The following BTD variants were observed in gnomAD, a reference collection of about 807,000 sequenced individuals.
BTD encodes the protein biocytinase.
In BTD, 13 loss-of-function variants were observed where a neutral mutation model predicts 17.7. That is an observed-to-expected ratio of 0.74 (90% CI 0.48 to 1.17). The LOEUF (loss-of-function observed/expected upper bound fraction) is 1.17, where lower values mean the gene tolerates loss of function less well. BTD is among the 50% of genes most tolerant of loss of function. The pLI is 0.00. For missense variants in BTD, 674 were observed against 650.4 expected, an observed-to-expected ratio of 1.04 and a Z score of -0.39; for synonymous variants, 240 against 245.2, an observed-to-expected ratio of 0.98 and a Z score of 0.20.
intron 3 of BTD, chr3:15,694,897 T>G: frequency 7.7e-7 from 1 of 1,301,600 alleles, no homozygotes; most frequent in Non-Finnish European, 1.1e-6. Flanking sequence ...AAATCCACCT[T>G]AGAGTATTAT....
At chr3:15,607,229 T>G (rs1337799975) in intron 1 of BTD, among the ~76,000 whole-genome samples, 2 of 152,194 alleles carry the variant, frequency 1.3e-5, no homozygotes, top group Non-Finnish European at 2.9e-5. Flanking sequence ...TATTTACTGA[T>G]TGGTGGGAGG....
At chr3:15,678,949 A>G (rs543745347) in intron 3 of BTD, among the ~76,000 whole-genome samples, 1 of 152,002 alleles carries the variant, frequency 6.6e-6, no homozygotes, top group East Asian at 1.9e-4. Context: ...AGTAGTTAAA[A>G]TTTATTTCTT....
chr3:15,605,590 G>T (rs1435398552), intron 1 of BTD, among the ~76,000 whole-genome samples: 1 of 152,020 alleles, frequency 6.6e-6, no homozygotes, highest in Non-Finnish European at 1.5e-5. Context: ...ATTTTAAAAT[G>T]ACATTTATTG....
exon 4 of BTD, chr3:15,711,089 C>A: frequency 1.2e-6 from 1 of 801,928 alleles, no homozygotes; most frequent in Non-Finnish European, 1.9e-6. Context: ...TTTTCCCAAA[C>A]AACTCCTGTT....
rs1190666171 is a variant in BTD, at chr3:15,648,319, G to T, written c.*2831G>T. Among the ~76,000 whole-genome samples the T allele has an allele frequency of 6.6e-6, 1 of 152,226 alleles. No individual in the cohort carries two copies. Among genetic ancestry groups the T allele is most frequent in the Non-Finnish European group, 1.5e-5 (1 of 68,050 alleles). On this transcript the variant is annotated 3_prime_UTR_variant, in exon 4 of 4. Coordinates refer to ENST00000643237, the MANE Select transcript of BTD (RefSeq NM_001370658.1). ...GTTTTGTGCACAAAGGCCTAGATTT[G>T]AGACAAGAGCTGATGTGGCCTGAAG... is the stretch of plus-strand genomic sequence containing the variant.
chr3:15,608,769 A>C (rs542794251), intron 1 of BTD, among the ~76,000 whole-genome samples: 32 of 151,930 alleles, frequency 2.1e-4, no homozygotes, highest in African/African-American at 7.2e-4. Flanking sequence ...CGTCTCAAAA[A>C]AAAAAAAAAA....
At chr3:15,622,684 T>G (rs1259542059) in intron 1 of BTD, among the ~76,000 whole-genome samples, 2 of 152,244 alleles carry the variant, frequency 1.3e-5, no homozygotes, top group African/African-American at 4.8e-5. Context: ...GATACATCTG[T>G]TTCTCTTTGC....
chr3:15,714,527 T>C (rs2072753962), downstream of BTD: 1 of 1,149,768 alleles, frequency 8.7e-7, no homozygotes, highest in African/African-American at 1.7e-5. Context: ...TTTTACTACA[T>C]TTAAGAAAAA....
exon 4 of BTD, among the ~76,000 whole-genome samples, chr3:15,711,825 T>A (rs2072323922): frequency 6.6e-6 from 1 of 151,894 alleles, no homozygotes; most frequent in Admixed American, 6.6e-5. Context: ...TAGCTGGGAT[T>A]ACAGGTGCTC....
At chr3:15,720,373 T>C (rs145896473) in intron 4 of BTD, among the ~76,000 whole-genome samples, 1 of 152,352 alleles carries the variant, frequency 6.6e-6, no homozygotes, top group Admixed American at 6.5e-5. Context: ...TCTTTTATTG[T>C]AGATTCATCT....
intron 3 of BTD, among the ~76,000 whole-genome samples, chr3:15,687,083 C>T (rs867817702): frequency 6.6e-6 from 1 of 151,942 alleles, no homozygotes; most frequent in African/African-American, 2.4e-5. Flanking sequence ...GCTGGGATTA[C>T]AGGCGCCTGC....
chr3:15,686,372 C>T (rs2068131136), intron 3 of BTD: 2 of 1,287,420 alleles, frequency 1.6e-6, no homozygotes, highest in South Asian at 2.6e-5. Context: ...AAATGTCCAT[C>T]TAAAAGCACA....
intron 3 of BTD, among the ~76,000 whole-genome samples, chr3:15,671,218 G>A (rs933291021): frequency 4.6e-5 from 7 of 151,860 alleles, no homozygotes; most frequent in African/African-American, 7.3e-5. Context: ...TTTTTTAAGC[G>A]GAAGACAACT....
At position 15,652,241 on chromosome 3, in the gene BTD, G is replaced by A. The variant is rs918452568; in HGVS notation, c.*6753G>A. 2.0e-5 allele frequency among the ~76,000 whole-genome samples: 3 copies of A among 152,116 alleles called. No individual in the cohort carries two copies. The highest frequency in any genetic ancestry group is 4.4e-5 in the Non-Finnish European group (3 of 68,018). On this transcript the variant is annotated 3_prime_UTR_variant, in exon 4 of 4. Transcript: ENST00000643237. ...GTCGGGAGGCTGAGGCAGAAGAATC[G>A]CTTGAACCCGGGAGGCGGAGGTTAC...
rs752092843 is a variant in BTD at position 15,712,160 on chromosome 3, C to G, written c.*2086C>G. ...CTTACCTGAAGAAAGAAGTTTTCTG[C>G]AGCAATCTGAAAAGCCGCTTAAGGC... On this transcript the variant is annotated 3_prime_UTR_variant, in exon 4 of 4. Transcript: ENST00000672141. 1.8e-5 allele frequency: 28 copies of G among 1,580,694 alleles called. No individual in the cohort carries two copies. In the South Asian group the frequency reaches 3.1e-4, roughly 18 times the overall value.
chr3:15,641,099 C>T (rs753419719), intron 2 of BTD, among the ~76,000 whole-genome samples: 6 of 152,124 alleles, frequency 3.9e-5, no homozygotes, highest in Admixed American at 2.6e-4. Context: ...TGAGGGCGGC[C>T]CTGTTTGTAT....
intron 3 of BTD, among the ~76,000 whole-genome samples, chr3:15,659,328 TG>T (rs66534068): frequency 0.038 from 5,667 of 149,538 alleles, 283 homozygotes; most frequent in African/African-American, 0.11. Context: ...GGCAGATCCA[TG>T]CCTGGGAAGG....
chr3:15,638,986 A>G (rs1203848366), intron 2 of BTD, among the ~76,000 whole-genome samples: 1 of 152,236 alleles, frequency 6.6e-6, no homozygotes, highest in East Asian at 1.9e-4. Flanking sequence ...GTGCATGACT[A>G]TATTTCTGTC....
At chr3:15,683,608 A>G (rs2067774987) in intron 3 of BTD, 1 of 152,220 alleles carries the variant, frequency 6.6e-6, no homozygotes, top group Non-Finnish European at 1.5e-5. Context: ...TGCTATCAGT[A>G]CTCAGCTGAA....
Sources: gnomAD v4.1 joint callset for allele counts (sites outside exome capture counted in the v4.1 genomes callset) on GRCh38, gnomAD v4.1.1 for gene constraint, MANE v1.5 for transcripts, NCBI Gene and HGNC (gene_info 2026-07-23, HGNC 2026-07-21) for gene names.